Variants in WDR41 observed in about 807,000 individuals in gnomAD.
The protein encoded by WDR41 is WD repeat domain 41.
WDR41 carries 63 observed loss-of-function variants against 69.3 expected under a neutral mutation model. That is an observed-to-expected ratio of 0.91 (90% confidence interval 0.74 to 1.12). The LOEUF (loss-of-function observed/expected upper bound fraction) is 1.12, where lower values mean the gene tolerates loss of function less well. Among genes scored for constraint, WDR41 ranks in the 50% most tolerant of loss-of-function variants. The probability of loss-of-function intolerance (pLI) is 0.00; values close to 1 mark genes in which losing one functional copy is unlikely to be tolerated. For missense variants in WDR41, 543 were observed against 534.5 expected, an observed-to-expected ratio of 1.02 and a Z score of -0.16; for synonymous variants, 185 against 192.1, an observed-to-expected ratio of 0.96 and a Z score of 0.31.
At chr5:77,460,502 C>A (rs1411592020) in intron 4 of WDR41, among the ~76,000 whole-genome samples, 2 of 152,076 alleles carry the variant, frequency 1.3e-5, no homozygotes, top group Non-Finnish European at 2.9e-5. Flanking sequence ...AAGGCTATCG[C>A]TTTAAAAAAT....
At chr5:77,437,775 T>C (rs1280358900) in intron 10 of WDR41, among the ~76,000 whole-genome samples, 1 of 152,060 alleles carries the variant, frequency 6.6e-6, no homozygotes, top group Non-Finnish European at 1.5e-5. Context: ...ATATCCTGCA[T>C]AGAAAATAAT....
chr5:77,489,793 AT>A (rs1418973117), intron 1 of WDR41, among the ~76,000 whole-genome samples: 1 of 152,134 alleles, frequency 6.6e-6, no homozygotes, highest in Non-Finnish European at 1.5e-5. Context: ...ACAAATTCGA[AT>A]CATGAATTTT....
At chr5:77,449,674 C>A in intron 8 of WDR41, 86 bp downstream of exon 8, 1 of 855,874 alleles carries the variant, frequency 1.2e-6, no homozygotes, top group Non-Finnish European at 1.9e-6. Context: ...ATTCTAGAAT[C>A]CCAGAACTAA....
chr5:77,477,578 G>C (rs1801003379), intron 2 of WDR41, among the ~76,000 whole-genome samples: 1 of 86,572 alleles, frequency 1.2e-5, no homozygotes, highest in Non-Finnish European at 2.0e-5. Flanking sequence ...ATGACTACTG[G>C]GTACATAACG....
intron 2 of WDR41, among the ~76,000 whole-genome samples, chr5:77,480,539 T>C (rs144878323): frequency 0.028 from 4,261 of 151,950 alleles, 191 homozygotes; most frequent in African/African-American, 0.094. Flanking sequence ...ATGGATGAAA[T>C]TGGAAAACAT....
intron 2 of WDR41, among the ~76,000 whole-genome samples, chr5:77,472,866 A>C (rs1268695936): frequency 2.0e-5 from 3 of 152,114 alleles, no homozygotes; most frequent in South Asian, 4.1e-4. Flanking sequence ...TATAGATTCA[A>C]TGCCATCCCC....
intron 8 of WDR41, among the ~76,000 whole-genome samples, chr5:77,442,968 A>T (rs1799235737): frequency 6.6e-6 from 1 of 151,426 alleles, no homozygotes; most frequent in African/African-American, 2.4e-5. Context: ...ATTTAATAGA[A>T]AATGTACAAC....
chr5:77,442,858 C>T (rs1799221633), intron 8 of WDR41, among the ~76,000 whole-genome samples: 2 of 123,492 alleles, frequency 1.6e-5, no homozygotes, highest in African/African-American at 6.8e-5. Context: ...CGCCACTGCC[C>T]TCCAGCCTGG....
intron 2 of WDR41, among the ~76,000 whole-genome samples, chr5:77,470,839 A>G (rs1177956122): frequency 6.8e-6 from 1 of 147,816 alleles, no homozygotes; most frequent in Non-Finnish European, 1.5e-5. Flanking sequence ...GGAGACTTTA[A>G]CACCCTACTG....
intron 2 of WDR41, among the ~76,000 whole-genome samples, chr5:77,471,690 G>C (rs982100934): frequency 2.0e-5 from 3 of 152,010 alleles, no homozygotes; most frequent in African/African-American, 7.2e-5. Flanking sequence ...AAATGGATAA[G>C]TTCCTTGACA....
intron 1 of WDR41, among the ~76,000 whole-genome samples, chr5:77,614,357 TG>T (rs1744630650): frequency 6.6e-6 from 1 of 151,848 alleles, no homozygotes. Flanking sequence ...GTATGTTTAT[TG>T]TGGCACTATT....
At chr5:77,512,647 G>A (rs368908621) in intron 1 of WDR41, among the ~76,000 whole-genome samples, 106 of 151,422 alleles carry the variant, frequency 7.0e-4, no homozygotes, top group African/African-American at 2.5e-3. Context: ...CTACTCAGGA[G>A]GCTGAGGAGA....
intron 1 of WDR41, among the ~76,000 whole-genome samples, chr5:77,562,685 G>A (rs2112260098): frequency 1.3e-5 from 2 of 152,268 alleles, no homozygotes; most frequent in East Asian, 3.9e-4. Flanking sequence ...GCATCATATT[G>A]GCTAGGCATC....
At chr5:77,489,407 C>A in intron 2 of WDR41, 50 bp downstream of exon 2, 1 of 1,208,506 alleles carries the variant, frequency 8.3e-7, no homozygotes. Context: ...ATAAAATTCC[C>A]TAAAACCTCT....
chr5:77,592,562 C>T (rs1744153007), intron 1 of WDR41, among the ~76,000 whole-genome samples: 1 of 152,128 alleles, frequency 6.6e-6, no homozygotes. Context: ...CTCACCATTA[C>T]AGTTTATGAC....
At chr5:77,467,834 A>T (rs1800371159) in intron 2 of WDR41, among the ~76,000 whole-genome samples, 2 of 152,054 alleles carry the variant, frequency 1.3e-5, no homozygotes. Context: ...TACCACAAAA[A>T]ATAGAAACTT....
chr5:77,580,905 G>A (rs561650221), intron 1 of WDR41, among the ~76,000 whole-genome samples: 30 of 151,958 alleles, frequency 2.0e-4, no homozygotes, highest in Middle Eastern at 6.8e-3. Flanking sequence ...GCAGTGAGCC[G>A]AGATTGCACT....
At chr5:77,544,262 C>CA (rs1230692857) in intron 1 of WDR41, among the ~76,000 whole-genome samples, 3 of 151,810 alleles carry the variant, frequency 2.0e-5, no homozygotes, top group African/African-American at 7.3e-5. Context: ...AACAAAAAAA[C>CA]AAAAAATCAA....
At chr5:77,563,687 G>A (rs571577882) in intron 1 of WDR41, among the ~76,000 whole-genome samples, 2 of 152,154 alleles carry the variant, frequency 1.3e-5, no homozygotes, top group Non-Finnish European at 1.5e-5. Context: ...AGTGTGCCAG[G>A]ACATACTGCA....
Sources: allele counts gnomAD v4.1 joint callset (sites outside exome capture counted in the v4.1 genomes callset), GRCh38; gene constraint gnomAD v4.1.1; transcripts MANE v1.5; gene names NCBI Gene and HGNC (gene_info 2026-07-23, HGNC 2026-07-21).